The following CORO2A variants were observed in gnomAD, a reference collection of about 807,000 sequenced individuals.
CORO2A encodes coronin 2A.
CORO2A carries 47 observed loss-of-function variants against 62.4 expected under a neutral mutation model. The observed-to-expected ratio is 0.75, with a 90% CI of 0.60 to 0.96. CORO2A has a LOEUF of 0.96. CORO2A is among the 40% of genes least tolerant of loss of function. CORO2A has a pLI of 0.00. For synonymous variants in CORO2A, 273 were observed against 268.9 expected (o/e 1.02, Z -0.15); for missense variants, 610 against 684.1 (o/e 0.89, Z 1.21).
chr9:98,129,882 G>A lies in CORO2A; in HGVS notation c.879C>T (p.Gly293=), dbSNP rs1271080121. ...SMLYVVGKGD[G]NIRYYEVSAD... ...CGCTCACCTCGTAGTAGCGGATGTTGCCATCTCCCTGAGGAGGAGGAGAAG... is the reference window on the plus strand; with the variant it reads ...CGCTCACCTCGTAGTAGCGGATGTTACCATCTCCCTGAGGAGGAGGAGAAG... The change falls in exon 8 of 12, where the codon GGC becomes GGT. Residue 293 remains glycine (G), a synonymous_variant. Coordinates refer to ENST00000375077, the MANE Select transcript of CORO2A (RefSeq NM_052820.4). 1.2e-6 allele frequency: 2 copies of A among 1,613,378 alleles called. No individual in the cohort carries two copies. Among genetic ancestry groups the A allele is most frequent in the South Asian group, 1.1e-5 (1 of 91,078 alleles).
chr9:98,133,079 T>G lies in CORO2A; in HGVS notation c.607A>C (p.Lys203Gln), dbSNP rs1330113240. The G allele has an allele frequency of 1.9e-6, 3 of 1,614,086 alleles. No individual in the cohort carries two copies. In the African/African-American group the frequency reaches 4.0e-5, roughly 22 times the overall value. The change falls in exon 5 of 12, where the codon AAG becomes CAG. Residue 203 changes from lysine (K) to glutamine (Q), a missense_variant. Coordinates refer to ENST00000375077, the MANE Select transcript of CORO2A (RefSeq NM_052820.4). ...GCTCGGGGGTCAATAACCCGAATCTTGCGGTCTTTGCAGGTGGTGGCCAAC... is the reference window on the plus strand; with the variant it reads ...GCTCGGGGGTCAATAACCCGAATCTGGCGGTCTTTGCAGGTGGTGGCCAAC... ...SLLATTCKDR[K>Q]IRVIDPRAGT...
chr9:98,164,879 C>T (rs10818541), intron 1 of CORO2A, among the ~76,000 whole-genome samples: 60,212 of 151,930 alleles, frequency 0.4, 14,343 homozygotes, highest in African/African-American at 0.68. Context: ...GCAGGACTTA[C>T]AGCGCTAAAC....
intron 1 of CORO2A, among the ~76,000 whole-genome samples, chr9:98,169,336 C>T (rs996154812): frequency 1.3e-5 from 2 of 152,076 alleles, no homozygotes; most frequent in African/African-American, 4.8e-5. Flanking sequence ...TGAGGGAGTG[C>T]CTCCTCCCCA....
rs78879445 is a variant in CORO2A at position 98,126,853 on chromosome 9, G to A, written c.1172-30C>T. The stretch of plus-strand genomic sequence containing the variant: ...AAGGGAAGCAGAGCCATGTGAGGAC[G>A]GGGTGCCCACGGGAAGATGGGCATA... On this transcript the variant is annotated intron_variant, in intron 10 of 11. Coordinates refer to ENST00000375077, the MANE Select transcript of CORO2A (RefSeq NM_052820.4). 2.9e-3 allele frequency: 4,606 copies of A among 1,613,452 alleles called. 88 individuals are homozygous for A. The African/African-American group carries it at 0.046, about 16-fold the overall frequency.
At chr9:98,189,260 C>A (rs947907622) in intron 1 of CORO2A, among the ~76,000 whole-genome samples, 9 of 152,236 alleles carry the variant, frequency 5.9e-5, no homozygotes, top group African/African-American at 2.2e-4. Context: ...AAGTCACCTA[C>A]TCCTGGCCCT....
chr9:98,144,272 G>A (rs1827612578), intron 2 of CORO2A, among the ~76,000 whole-genome samples: 1 of 151,944 alleles, frequency 6.6e-6, no homozygotes, highest in Admixed American at 6.6e-5. Flanking sequence ...CAGCTGCGTT[G>A]CTCATAATAT....
At chr9:98,136,323 A>G (rs1256698865) in intron 3 of CORO2A, among the ~76,000 whole-genome samples, 1 of 152,250 alleles carries the variant, frequency 6.6e-6, no homozygotes. Flanking sequence ...CTCGGCAGAC[A>G]CTGTCCTTTA....
intron 1 of CORO2A, among the ~76,000 whole-genome samples, chr9:98,183,123 C>T (rs972196620): frequency 6.6e-6 from 1 of 152,190 alleles, no homozygotes; most frequent in Non-Finnish European, 1.5e-5. Context: ...CCCGGCCTGG[C>T]GCCCCTCTGG....
Position 98,160,954 on chromosome 9 carries a change from G to C in CORO2A, c.1-3294C>G, listed in dbSNP as rs553300139. ...CGTCCTTGGCCAAAGGGATGAGAAG[G>C]GTGCATGTTTCAGATGGTGCATCTA... On this transcript the variant is annotated intron_variant, in intron 1 of 11. Coordinates refer to ENST00000375077, the MANE Select transcript of CORO2A (RefSeq NM_052820.4). 7.9e-5 allele frequency among the ~76,000 whole-genome samples: 12 copies of C among 152,298 alleles called. 1 individual carries two copies. In the East Asian group the frequency reaches 2.1e-3, roughly 27 times the overall value.
chr9:98,148,071 A>C (rs1827667491), intron 2 of CORO2A, among the ~76,000 whole-genome samples: 1 of 141,696 alleles, frequency 7.1e-6, no homozygotes, highest in African/African-American at 2.7e-5. Context: ...ACATCATGAG[A>C]CCTCGCCTCT....
intron 1 of CORO2A, among the ~76,000 whole-genome samples, chr9:98,184,730 C>A (rs906619726): frequency 6.6e-6 from 1 of 152,160 alleles, no homozygotes; most frequent in Non-Finnish European, 1.5e-5. Context: ...CACCCAGGCA[C>A]AGAAATACTC....
chr9:98,124,818 C>T lies in CORO2A; in HGVS notation c.1534G>A (p.Glu512Lys), dbSNP rs144229783. 3.1e-6 allele frequency: 5 copies of T among 1,610,670 alleles called. No homozygotes were observed. In the African/African-American group the frequency reaches 5.3e-5, roughly 17 times the overall value. Residue 512 changes from glutamate (E) to lysine (K), a missense_variant, in exon 12 of 12, where the codon GAA (glutamate) becomes AAA (lysine). Coordinates refer to ENST00000375077, the MANE Select transcript of CORO2A (RefSeq NM_052820.4). Reference protein sequence around the residue: ...TQREVQAKQLELEIKNLRMGS... With the variant: ...TQREVQAKQLKLEIKNLRMGS... ...ATCCGCAAGTTTTTGATCTCCAGTTCCAACTGTTTGGCCTGGACCTCTCGC... is the reference window on the plus strand; with the variant it reads ...ATCCGCAAGTTTTTGATCTCCAGTTTCAACTGTTTGGCCTGGACCTCTCGC...
Position 98,192,541 on chromosome 9 carries a change from G to A in CORO2A, c.-1+18C>T, listed in dbSNP as rs1313005139. 6.6e-6 allele frequency: 1 copy of A among 151,790 alleles called. No individual in the cohort carries two copies. The highest frequency in any genetic ancestry group is 1.5e-5 in the Non-Finnish European group (1 of 67,958). 9.4% of individuals were successfully genotyped at this position (151,790 alleles called of 1,614,324 possible). ...CGCAGACCGGGAAGGCACGGCCGGCGGCGCAGGGCCGCCCTACCTTGATGA... is the reference window on the plus strand; with the variant it reads ...CGCAGACCGGGAAGGCACGGCCGGCAGCGCAGGGCCGCCCTACCTTGATGA... On this transcript the variant is annotated intron_variant, in intron 1 of 11. Coordinates refer to ENST00000375077, the MANE Select transcript of CORO2A (RefSeq NM_052820.4).
At position 98,123,216 on chromosome 9, in the gene CORO2A, A is replaced by C. The variant is rs1326034310; in HGVS notation, c.*1558T>G. On this transcript the variant is annotated 3_prime_UTR_variant, in exon 12 of 12. Coordinates refer to ENST00000375077, the MANE Select transcript of CORO2A (RefSeq NM_052820.4). ...GGCTGAGAACTGCATCAGACCCAAA[A>C]GAGCAAAAAGACAGACCCAGAAAAG... The C allele has an allele frequency of 6.6e-6, 1 of 152,244 alleles. No homozygotes were observed. Among genetic ancestry groups the C allele is most frequent in the Non-Finnish European group, 1.5e-5 (1 of 68,082 alleles). The allele number at this position is 152,244 out of a possible 1,614,324, so 9.4% of individuals were successfully genotyped here. A position where few individuals can be genotyped will look rare whatever the true frequency, so the allele number is the denominator to read the frequency against.
At position 98,132,381 on chromosome 9, in the gene CORO2A, C is replaced by T. The variant is rs905327424; in HGVS notation, c.649-80G>A. The T allele has an allele frequency of 2.1e-4, 240 of 1,136,758 alleles. 1 individual carries two copies. The highest frequency in any genetic ancestry group is 2.7e-4 in the Non-Finnish European group (208 of 758,108). The allele number at this position is 1,136,758 out of a possible 1,614,324, so 70.4% of individuals were successfully genotyped here. A position where few individuals can be genotyped will look rare whatever the true frequency, so the allele number is the denominator to read the frequency against. ...TGGGGTTTCTGGCCTCCCTGCTTTG[C>T]TTATGCCACCGCTCCACCTGGGAGG... is the stretch of plus-strand genomic sequence containing the variant. On this transcript the variant is annotated intron_variant, in intron 5 of 11. Transcript: ENST00000375077.
chr9:98,168,429 C>A (rs1430823777), intron 1 of CORO2A, among the ~76,000 whole-genome samples: 1 of 152,200 alleles, frequency 6.6e-6, no homozygotes, highest in Non-Finnish European at 1.5e-5. Context: ...CACATACCAA[C>A]TCAACCCTCA....
intron 1 of CORO2A, among the ~76,000 whole-genome samples, chr9:98,190,896 C>T (rs2118951798): frequency 6.6e-6 from 1 of 152,342 alleles, no homozygotes; most frequent in South Asian, 2.1e-4. Context: ...TGGTCCAGCT[C>T]CCAGTCCTGT....
At position 98,124,897 on chromosome 9, in the gene CORO2A, C is replaced by T; in HGVS notation, c.1455G>A (p.Gln485=). 6.4e-7 allele frequency: 1 copy of T among 1,564,820 alleles called. No individual in the cohort carries two copies. Among genetic ancestry groups the T allele is most frequent in the Non-Finnish European group, 8.7e-7 (1 of 1,152,810 alleles). The change falls in exon 12 of 12, where the codon CAG becomes CAA. Residue 485 remains glutamine (Q), a synonymous_variant. Coordinates refer to ENST00000375077, the MANE Select transcript of CORO2A (RefSeq NM_052820.4). ...TCTCCTCCTGTTGCCGGTAGAACAT[C>T]TGCAGCAACTGGGGAAGAAAGATCG... ...PPPKTENELL[Q]MFYRQQEEIR...
At chr9:98,182,785 A>AT (rs1158541466) in intron 1 of CORO2A, among the ~76,000 whole-genome samples, 1 of 152,230 alleles carries the variant, frequency 6.6e-6, no homozygotes, top group Non-Finnish European at 1.5e-5. Context: ...TAAGAGTCTA[A>AT]TTGGGGACCC....
Sources: allele counts gnomAD v4.1 joint callset (sites outside exome capture counted in the v4.1 genomes callset), GRCh38; gene constraint gnomAD v4.1.1; transcripts MANE v1.5; gene names NCBI Gene and HGNC (gene_info 2026-07-23, HGNC 2026-07-21).